Variants in PACSIN2 observed in about 807,000 individuals in gnomAD.
PACSIN2 encodes the protein protein kinase C and casein kinase substrate in neurons 2.
Under a neutral mutation model 63.8 loss-of-function variants are expected in PACSIN2, and 25 were observed. The observed-to-expected ratio is 0.39, with a 90% CI of 0.29 to 0.55. The LOEUF (loss-of-function observed/expected upper bound fraction) is 0.55. Ranked by LOEUF, PACSIN2 falls within the 20% of genes least tolerant of loss-of-function variation. The probability of loss-of-function intolerance (pLI) is 0.62; values close to 1 mark genes in which losing one functional copy is unlikely to be tolerated. For missense variants in PACSIN2, 518 were observed against 646.9 expected (o/e 0.80, Z 2.16); for synonymous variants, 255 against 256.2 (o/e 1.00, Z 0.05).
Position 42,871,348 on chromosome 22 carries a change from C to A in PACSIN2, c.*9G>T, listed in dbSNP as rs770416825. On this transcript the variant is annotated 3_prime_UTR_variant, in exon 11 of 11. Coordinates refer to ENST00000263246, the MANE Select transcript of PACSIN2 (RefSeq NM_001184970.3). This position sits in a 1 kb window ranked among gnomAD's most constrained non-coding sequence, Gnocchi z 5.4. The stretch of plus-strand genomic sequence containing the variant: ...GCCTCCGTCCCCCCGCTGGCCTGTC[C>A]CCGACTCATCACTGGATCGCCTCCA... The A allele has an allele frequency of 1.9e-6, 3 of 1,594,244 alleles. No homozygotes were observed. In the Admixed American group the frequency reaches 5.0e-5, roughly 27 times the overall value.
At chr22:43,013,740 C>T (rs775487526) in intron 1 of PACSIN2, among the ~76,000 whole-genome samples, 121 of 152,250 alleles carry the variant, frequency 7.9e-4, no homozygotes, top group Non-Finnish European at 1.6e-3. Context: ...CCATCTGCAG[C>T]TGAGGTTCAA....
At chr22:42,954,830 T>G (rs1038355215) in intron 1 of PACSIN2, among the ~76,000 whole-genome samples, 1 of 151,940 alleles carries the variant, frequency 6.6e-6, no homozygotes, top group Non-Finnish European at 1.5e-5. Flanking sequence ...AGTCTCAAAT[T>G]TCGGAGGCAT....
chr22:42,925,500 A>C (rs1932482752), intron 1 of PACSIN2, among the ~76,000 whole-genome samples: 1 of 151,366 alleles, frequency 6.6e-6, no homozygotes, highest in Admixed American at 6.6e-5. Context: ...AAAAAAAAGT[A>C]TCAGCTCTAG....
chr22:42,900,207 T>C (rs1224859881), intron 2 of PACSIN2, among the ~76,000 whole-genome samples: 2 of 152,186 alleles, frequency 1.3e-5, no homozygotes, highest in Non-Finnish European at 2.9e-5. Context: ...CTGGGGGCCA[T>C]GATGGCCCTT....
chr22:42,978,836 G>A (rs1448420041), intron 1 of PACSIN2, among the ~76,000 whole-genome samples: 2 of 152,098 alleles, frequency 1.3e-5, no homozygotes, highest in Non-Finnish European at 1.5e-5. Flanking sequence ...CCTCCTCCTG[G>A]CAACAGCATT....
intron 1 of PACSIN2, among the ~76,000 whole-genome samples, chr22:42,921,003 C>T (rs116354362): frequency 0.012 from 1,837 of 151,782 alleles, 36 homozygotes; most frequent in African/African-American, 0.042. Flanking sequence ...GTCGTATTGC[C>T]CAAGCTGGTC....
chr22:42,930,635 G>T (rs937335069), intron 1 of PACSIN2, among the ~76,000 whole-genome samples: 5 of 152,118 alleles, frequency 3.3e-5, no homozygotes, highest in Non-Finnish European at 5.9e-5. Flanking sequence ...CAAAAGGCAC[G>T]CTCATAAAAA....
intron 1 of PACSIN2, among the ~76,000 whole-genome samples, chr22:42,934,398 T>C (rs949536238): frequency 5.9e-5 from 9 of 152,218 alleles, no homozygotes; most frequent in Admixed American, 1.3e-4. Flanking sequence ...GGCTTCTGTG[T>C]ACTCCCCCTC....
intron 10 of PACSIN2, among the ~76,000 whole-genome samples, chr22:42,875,148 CCTA>C (rs1276841518): frequency 1.5e-5 from 2 of 130,110 alleles, no homozygotes; most frequent in Non-Finnish European, 3.5e-5. Flanking sequence ...CCATGCCCAG[CCTA>C]CTTTTTTTTT....
chr22:42,911,305 T>C (rs1017195962), intron 2 of PACSIN2, among the ~76,000 whole-genome samples: 3 of 150,458 alleles, frequency 2.0e-5, no homozygotes, highest in Non-Finnish European at 2.9e-5. Flanking sequence ...AGCTACTCAG[T>C]AGGCTGAGGT....
At chr22:42,949,707 C>G in intron 1 of PACSIN2, among the ~76,000 whole-genome samples, 1 of 149,468 alleles carries the variant, frequency 6.7e-6, no homozygotes, top group South Asian at 2.1e-4. Context: ...CACACACACT[C>G]TCTCACACAC....
At chr22:42,940,566 C>A (rs1424144804) in intron 1 of PACSIN2, among the ~76,000 whole-genome samples, 1 of 152,194 alleles carries the variant, frequency 6.6e-6, no homozygotes, top group East Asian at 1.9e-4. Flanking sequence ...ATATGAGCCC[C>A]GCCCTGGGAC....
chr22:42,878,529 A>G (rs1238194394), intron 8 of PACSIN2, among the ~76,000 whole-genome samples: 3 of 152,236 alleles, frequency 2.0e-5, no homozygotes, highest in Admixed American at 1.3e-4. Flanking sequence ...TTTTCAGCCA[A>G]TGACTAAGTC....
At chr22:42,907,453 G>C (rs1223463002) in intron 2 of PACSIN2, among the ~76,000 whole-genome samples, 2 of 152,238 alleles carry the variant, frequency 1.3e-5, no homozygotes, top group Admixed American at 1.3e-4. Context: ...AACTAATGTG[G>C]GCCACTAACC....
chr22:42,884,298 C>T, intron 6 of PACSIN2, 88 bp downstream of exon 6: 2 of 1,307,180 alleles, frequency 1.5e-6, no homozygotes, highest in Non-Finnish European at 1.1e-6. Flanking sequence ...CGCGCCATCC[C>T]AAACCTGGGA....
At chr22:43,005,843 C>T (rs2146924948) in intron 1 of PACSIN2, among the ~76,000 whole-genome samples, 1 of 152,194 alleles carries the variant, frequency 6.6e-6, no homozygotes, top group East Asian at 1.9e-4. Context: ...GTATGGATCC[C>T]CTCAAAATTC....
At chr22:42,952,214 A>T (rs1933725197) in intron 1 of PACSIN2, among the ~76,000 whole-genome samples, 1 of 152,234 alleles carries the variant, frequency 6.6e-6, no homozygotes, top group Admixed American at 6.5e-5. Context: ...TAATAAACAC[A>T]ACTAGAATGA....
chr22:42,888,439 C>T (rs1929649387), intron 5 of PACSIN2, among the ~76,000 whole-genome samples: 1 of 152,192 alleles, frequency 6.6e-6, no homozygotes, highest in African/African-American at 2.4e-5. Flanking sequence ...GGCTCTGTCC[C>T]TTGACTGAGC....
At chr22:42,990,026 GTATATATATGTA>G (rs1922929026) in intron 1 of PACSIN2, among the ~76,000 whole-genome samples, 1 of 23,438 alleles carries the variant, frequency 4.3e-5, no homozygotes, top group African/African-American at 2.8e-4. Flanking sequence ...ACACACATAT[GTATATATATGTA>G]TATATATATA....
Sources: gnomAD v4.1 joint callset for allele counts (sites outside exome capture counted in the v4.1 genomes callset) on GRCh38, gnomAD v4.1.1 for gene constraint, Gnocchi (gnomAD v3.1) non-coding constraint, MANE v1.5 for transcripts, NCBI Gene and HGNC (gene_info 2026-07-23, HGNC 2026-07-21) for gene names.